The following TAS2R14 variants were observed in gnomAD, a reference collection of about 807,000 sequenced individuals.
The protein encoded by TAS2R14 is taste 2 receptor member 14, also known as taste receptor type 2 member 14.
For synonymous variants in TAS2R14, 131 were observed against 131.0 expected, an observed-to-expected ratio of 1.00 and a Z score of 0.00; for missense variants, 383 against 372.0, an observed-to-expected ratio of 1.03 and a Z score of -0.24.
exon 1 of TAS2R14, chr12:10,938,855 A>C: frequency 3.7e-6 from 6 of 1,613,728 alleles, no homozygotes; most frequent in Non-Finnish European, 5.1e-6. Context: ...GTAGAGAAAA[A>C]TAGAGTTAGA....
chr12:10,938,611 A>C, exon 1 of TAS2R14: 2 of 1,613,934 alleles, frequency 1.2e-6, no homozygotes, highest in South Asian at 2.2e-5. Flanking sequence ...AGATGAGGAG[A>C]AGAAACATTG....
rs1950315285 is a variant in TAS2R14, at chr12:10,937,870, C to T, written c.*384G>A. On this transcript the variant is annotated 3_prime_UTR_variant, in exon 1 of 1. Transcript: ENST00000537503. Reference sequence around the variant, plus strand: ...ACACTTAATATAGGTACTAAAATTCCATATTCTTTTATGTACTTTATCTAC... The same window carrying T: ...ACACTTAATATAGGTACTAAAATTCTATATTCTTTTATGTACTTTATCTAC... 2.5e-5 allele frequency: 4 copies of T among 159,292 alleles called. No individual in the cohort carries two copies. In the Admixed American group the frequency reaches 2.6e-4, roughly 10 times the overall value. 9.9% of individuals were successfully genotyped at this position (159,292 alleles called of 1,614,324 possible). A position where few individuals can be genotyped will look rare whatever the true frequency, so the allele number is the denominator to read the frequency against.
At chr12:10,939,175 G>C in exon 1 of TAS2R14, 1 of 1,594,696 alleles carries the variant, frequency 6.3e-7, no homozygotes, top group Non-Finnish European at 8.5e-7. Flanking sequence ...CAATTAAAAC[G>C]AATGTAAATA....
chr12:10,937,722 A>ACT (rs1190549455), exon 1 of TAS2R14: 1 of 152,266 alleles, frequency 6.6e-6, no homozygotes, highest in Admixed American at 6.5e-5. Flanking sequence ...TGCAAAGCCA[A>ACT]GAGAATGAGC....
chr12:10,939,186 T>A (rs759751617), exon 1 of TAS2R14: 1 of 1,583,182 alleles, frequency 6.3e-7, no homozygotes, highest in South Asian at 1.2e-5. Context: ...AATGTAAATA[T>A]GCTCTTTATG....
chr12:10,938,308 G>A, exon 1 of TAS2R14: 1 of 1,613,564 alleles, frequency 6.2e-7, no homozygotes, highest in Non-Finnish European at 8.5e-7. Flanking sequence ...CTTTGAACAT[G>A]TACCTCAGCC....
At chr12:10,938,532 C>CT (rs35926739) in exon 5 of TAS2R14, 9 of 1,614,002 alleles carry the variant, frequency 5.6e-6, no homozygotes, top group Non-Finnish European at 7.6e-6. Context: ...CCTCTGTGGG[C>CT]TTTGGTGCTG....
chr12:10,938,826 T>G, exon 1 of TAS2R14: 1 of 1,613,582 alleles, frequency 6.2e-7, no homozygotes, highest in Non-Finnish European at 8.5e-7. Flanking sequence ...AAAACCACCT[T>G]TTTAACCCTC....
chr12:10,938,282 C>T (rs1565484485), exon 1 of TAS2R14: 2 of 1,606,950 alleles, frequency 1.2e-6, no homozygotes, highest in Middle Eastern at 3.3e-4. Context: ...TTCTTTGTGA[C>T]CTGAGGGCTC....
chr12:10,939,166 A>C, exon 1 of TAS2R14: 3 of 1,598,184 alleles, frequency 1.9e-6, no homozygotes, highest in Non-Finnish European at 1.7e-6. Context: ...TAAATTCCAC[A>C]ATTAAAACGA....
chr12:10,938,680 G>T, exon 1 of TAS2R14: 1 of 1,614,002 alleles, frequency 6.2e-7, no homozygotes, highest in East Asian at 2.2e-5. Flanking sequence ...CAATAAGACT[G>T]GAAAATCGTG....
At chr12:10,938,888 T>A (rs769183561) in exon 1 of TAS2R14, 67 of 1,613,642 alleles carry the variant, frequency 4.2e-5, no homozygotes, top group Non-Finnish European at 5.2e-5. Context: ...CTTGAGAAAA[T>A]AAAAAGTACC....
At chr12:10,938,664 T>G in exon 1 of TAS2R14, 1 of 1,614,050 alleles carries the variant, frequency 6.2e-7, no homozygotes, top group East Asian at 2.2e-5. Flanking sequence ...ACAGTGCTGG[T>G]TAATACAATA....
At chr12:10,937,689 T>A (rs960444007) in exon 1 of TAS2R14, 2 of 152,244 alleles carry the variant, frequency 1.3e-5, no homozygotes, top group Non-Finnish European at 2.9e-5. Flanking sequence ...AGTCACTATA[T>A]GCAGATGATA....
chr12:10,937,941 C>CACAT, exon 1 of TAS2R14: 1 of 209,720 alleles, frequency 4.8e-6, no homozygotes, highest in Non-Finnish European at 9.3e-6. Flanking sequence ...GTAACTGTGT[C>CACAT]ACATACATAC....
At chr12:10,939,008 C>A in exon 1 of TAS2R14, 1 of 1,613,622 alleles carries the variant, frequency 6.2e-7, no homozygotes, top group South Asian at 1.1e-5. Flanking sequence ...CACAGACACA[C>A]ACCAGCTTCC....
At chr12:10,938,644 G>GA (rs752246696) in intron 4 of TAS2R14, 3 of 1,613,924 alleles carry the variant, frequency 1.9e-6, no homozygotes, top group Non-Finnish European at 2.5e-6. Context: ...TAAAGGGTAT[G>GA]AAAATGAACA....
At chr12:10,938,019 A>G in exon 1 of TAS2R14, 1 of 389,222 alleles carries the variant, frequency 2.6e-6, no homozygotes, top group Non-Finnish European at 4.5e-6. Context: ...TGAATGATTG[A>G]TACAAAATCT....
chr12:10,938,306 A>G (rs2135884847), exon 1 of TAS2R14: 5 of 1,613,650 alleles, frequency 3.1e-6, no homozygotes, highest in Non-Finnish European at 3.4e-6. Context: ...ATCTTTGAAC[A>G]TGTACCTCAG....
Sources: gnomAD v4.1 joint callset for allele counts on GRCh38, gnomAD v4.1.1 for gene constraint, MANE v1.5 for transcripts, NCBI Gene and HGNC (gene_info 2026-07-23, HGNC 2026-07-21) for gene names.